The following IKZF4 variants were observed in gnomAD, a reference collection of about 807,000 sequenced individuals.
IKZF4 encodes zinc finger protein Eos.
IKZF4 carries 11 observed loss-of-function variants against 47.7 expected under a neutral mutation model. The ratio of observed to expected loss-of-function variants is 0.23; its 90% CI spans 0.15 to 0.38. The LOEUF is 0.38. IKZF4 is among the 10% of genes least tolerant of loss of function. IKZF4 has a pLI of 1.00. For missense variants in IKZF4, 557 were observed against 784.9 expected (o/e 0.71, Z 3.47); for synonymous variants, 298 against 299.4 (o/e 1.00, Z 0.05).
At position 56,035,025 on chromosome 12, in the gene IKZF4, C is replaced by A; in HGVS notation, c.1452C>A (p.Thr484=). The change falls in exon 8 of 8, where the codon ACC becomes ACA. Residue 484 remains threonine, a synonymous_variant. Coordinates refer to ENST00000547167, the MANE Select transcript of IKZF4 (RefSeq NM_022465.4). This position sits in a 1 kb window ranked among gnomAD's most constrained non-coding sequence, Gnocchi z 6.1. ...GTCCCCCACCCCAGCCACCTCCCACCATTGTGGTGGGCCGGCACAGTCCTG... is the reference window on the plus strand; with the variant it reads ...GTCCCCCACCCCAGCCACCTCCCACAATTGTGGTGGGCCGGCACAGTCCTG... The part of the protein sequence containing the change: ...PQGPPPQPPP[T]IVVGRHSPAY... The A allele has an allele frequency of 1.3e-6, 2 of 1,558,868 alleles. No individual in the cohort carries two copies. Among genetic ancestry groups the A allele is most frequent in the Non-Finnish European group, 1.7e-6 (2 of 1,151,148 alleles).
At chr12:56,007,688 C>T (rs1890865784) in exon 1 of IKZF4, 1 of 152,394 alleles carries the variant, frequency 6.6e-6, no homozygotes, top group African/African-American at 2.4e-5. Flanking sequence ...AACACTGTCC[C>T]CTCTCCCCAA....
At position 56,033,202 on chromosome 12, in the gene IKZF4, G is replaced by A. The variant is rs762085422; in HGVS notation, c.878G>A (p.Arg293His). The change falls in exon 7 of 8, where the codon CGT becomes CAT. Residue 293 changes from arginine (R) to histidine (H), a missense_variant. By Grantham distance (29) the Arg-to-His change is conservative. Coordinates refer to ENST00000547167, the MANE Select transcript of IKZF4 (RefSeq NM_022465.4). ...TTCTTCCCACTAGGTGACGAAATAC[G>A]TGACCTGGAGATGGTGCCAGACTCC... ...ALAGQPGDEIRDLEMVPDSML... is the reference protein window; with the variant it reads ...ALAGQPGDEIHDLEMVPDSML... 6.8e-6 allele frequency: 11 copies of A among 1,613,856 alleles called. No homozygotes were observed. The highest frequency in any genetic ancestry group is 3.3e-5 in the Admixed American group (2 of 60,008).
Position 56,026,954 on chromosome 12 carries a change from C to A in IKZF4, c.460C>A (p.Leu154Met). ...PEPHSPGGIR[L>M]PNGKLKCDVC... Reference sequence around the variant, plus strand: ...GCCTCACTCCCCTGGGGGCATCCGGCTGCCCAATGGCAAGCTCAAGTGTGA... The same window carrying A: ...GCCTCACTCCCCTGGGGGCATCCGGATGCCCAATGGCAAGCTCAAGTGTGA... The change falls in exon 4 of 8, where the codon CTG becomes ATG. Residue 154 changes from leucine (L) to methionine (M), a missense_variant. Around this residue, in one of 6 missense-constraint regions of IKZF4, gnomAD observed 112 missense variants for 168.2 expected, o/e 0.67. Coordinates refer to ENST00000547167, the MANE Select transcript of IKZF4 (RefSeq NM_022465.4). 6.2e-7 allele frequency: 1 copy of A among 1,611,592 alleles called. No individual in the cohort carries two copies. The highest frequency in any genetic ancestry group is 8.5e-7 in the Non-Finnish European group (1 of 1,178,756).
At chr12:56,019,320 G>A (rs1028735329), upstream of IKZF4, 1 of 977,668 alleles carries the variant, frequency 1.0e-6, no homozygotes, top group Non-Finnish European at 1.2e-6. Context: ...CTCTAAAGTA[G>A]GACCAATGAA....
At position 56,035,008 on chromosome 12, in the gene IKZF4, C is replaced by T; in HGVS notation, c.1435C>T (p.Pro479Ser). Reference sequence around the variant, plus strand: ...GGTATCCCTCCCTCAGGGTCCCCCACCCCAGCCACCTCCCACCATTGTGGT... The same window carrying T: ...GGTATCCCTCCCTCAGGGTCCCCCATCCCAGCCACCTCCCACCATTGTGGT... ...GVVSLPQGPP[P>S]QPPPTIVVGR... The change falls in exon 8 of 8, where the codon CCC becomes TCC. Residue 479 changes from proline to serine, a missense_variant. Physicochemically the swap from Pro to Ser is moderately conservative, Grantham distance 74. Around this residue, in one of 6 missense-constraint regions of IKZF4, gnomAD observed 280 missense variants for 314.0 expected, o/e 0.89. Coordinates refer to ENST00000547167, the MANE Select transcript of IKZF4 (RefSeq NM_022465.4). The surrounding 1 kb of genome is among the most constrained non-coding windows in gnomAD (Gnocchi z 6.1). 6.4e-7 allele frequency: 1 copy of T among 1,555,814 alleles called. No individual in the cohort carries two copies. Among genetic ancestry groups the T allele is most frequent in the Non-Finnish European group, 8.7e-7 (1 of 1,149,044 alleles).
In IKZF4 at chr12:56,035,271, C is replaced by T. The variant is rs771382951; in HGVS notation, c.1698C>T (p.His566=). Residue 566 remains histidine, a synonymous_variant, in exon 8 of 8, where the codon CAC becomes CAT. Coordinates refer to ENST00000547167, the MANE Select transcript of IKZF4 (RefSeq NM_022465.4). The surrounding 1 kb of genome is among the most constrained non-coding windows in gnomAD (Gnocchi z 6.1). ...DPFECNICGY[H]SQDRYEFSSH... is the part of the protein sequence containing the mutation. ...TTGAGTGCAACATCTGTGGTTATCA[C>T]AGCCAGGACCGGTACGAATTCTCTT... 3.1e-6 allele frequency: 5 copies of T among 1,614,088 alleles called. No homozygotes were observed. The highest frequency in any genetic ancestry group is 4.2e-6 in the Non-Finnish European group (5 of 1,179,952).
chr12:56,033,869 G>C (rs1261744733), intron 7 of IKZF4, among the ~76,000 whole-genome samples: 3 of 152,140 alleles, frequency 2.0e-5, no homozygotes, highest in African/African-American at 7.2e-5. Context: ...GTAAGGGACA[G>C]GGTCGAGGCA....
chr12:56,029,297 GTATCTGTC>G (rs1894543989), intron 5 of IKZF4, among the ~76,000 whole-genome samples: 1 of 152,220 alleles, frequency 6.6e-6, no homozygotes, highest in African/African-American at 2.4e-5. Flanking sequence ...GTTTGAATCA[GTATCTGTC>G]TGAATCAGCT....
intron 5 of IKZF4, among the ~76,000 whole-genome samples, chr12:56,029,234 T>G (rs537283178): frequency 1.3e-5 from 2 of 152,354 alleles, no homozygotes; most frequent in African/African-American, 4.8e-5. Flanking sequence ...GATCAATGTT[T>G]GGAACAGTGC....
At chr12:56,014,557 G>T (rs986425798) in intron 2 of IKZF4, among the ~76,000 whole-genome samples, 1 of 152,180 alleles carries the variant, frequency 6.6e-6, no homozygotes, top group South Asian at 2.1e-4. Context: ...GAGCCAGCTC[G>T]ACTTGTTCTT....
chr12:56,018,761 T>C (rs925099976), upstream of IKZF4, among the ~76,000 whole-genome samples: 2 of 151,266 alleles, frequency 1.3e-5, no homozygotes, highest in Non-Finnish European at 2.9e-5. Context: ...ATACCAGAAA[T>C]CCAAATTTTT....
intron 5 of IKZF4, chr12:56,032,235 G>C (rs948678233): frequency 1.1e-5 from 3 of 270,544 alleles, no homozygotes; most frequent in African/African-American, 6.8e-5. Context: ...CTGCCTGTCT[G>C]CTAGGGATGA....
upstream of IKZF4, among the ~76,000 whole-genome samples, chr12:56,016,484 G>T (rs1470161617): frequency 6.8e-6 from 1 of 147,386 alleles, no homozygotes; most frequent in Admixed American, 6.8e-5. Context: ...TGCAGTGGCA[G>T]GATCTCGGTG....
chr12:56,018,457 G>A (rs1038753700), upstream of IKZF4, among the ~76,000 whole-genome samples: 4 of 152,154 alleles, frequency 2.6e-5, no homozygotes, highest in African/African-American at 9.7e-5. Flanking sequence ...CAAATAGATG[G>A]AAACAAGATG....
upstream of IKZF4, chr12:56,018,065 A>C (rs1220535446): frequency 9.0e-7 from 1 of 1,114,260 alleles, no homozygotes; most frequent in Non-Finnish European, 1.2e-6. Context: ...AGAATATTAA[A>C]GAAAAGCCTC....
Position 56,021,294 on chromosome 12 carries a change from T to TCACTCACA in IKZF4, c.-197_-196insTCACACAC. 8.8e-7 allele frequency: 1 copy of TCACTCACA among 1,140,138 alleles called. No individual in the cohort carries two copies. The highest frequency in any genetic ancestry group is 1.2e-6 in the Non-Finnish European group (1 of 838,368). The allele number at this position is 1,140,138 out of a possible 1,614,324, so 70.6% of individuals were successfully genotyped here. On this transcript the variant is annotated 5_prime_UTR_variant, in exon 1 of 8. Coordinates refer to ENST00000547167, the MANE Select transcript of IKZF4 (RefSeq NM_022465.4). ...CTCTCCCTCTCTCTCTCTCTCTCTC[T>TCACTCACA]CACACACACACACACACACACACTC...
chr12:56,017,147 G>C (rs1298548243), upstream of IKZF4, among the ~76,000 whole-genome samples: 1 of 151,134 alleles, frequency 6.6e-6, no homozygotes, highest in Non-Finnish European at 1.5e-5. Context: ...CTCAGTTCCC[G>C]ATTGTTTAAT....
At chr12:56,008,248 AG>A (rs899735389) in intron 1 of IKZF4, among the ~76,000 whole-genome samples, 24 of 152,286 alleles carry the variant, frequency 1.6e-4, no homozygotes, top group African/African-American at 5.3e-4. Context: ...GGATGGAGTG[AG>A]AAGTGCACAG....
At chr12:56,029,886 C>G (rs1894634072) in intron 5 of IKZF4, 1 of 152,226 alleles carries the variant, frequency 6.6e-6, no homozygotes, top group African/African-American at 2.4e-5. Context: ...GCTGCTCCCC[C>G]TGCTGGTTTG....
Sources: allele counts gnomAD v4.1 joint callset (sites outside exome capture counted in the v4.1 genomes callset), GRCh38; gene constraint gnomAD v4.1.1; regional missense constraint gnomAD v4.1.1; non-coding constraint Gnocchi (gnomAD v3.1); transcripts MANE v1.5; gene names NCBI Gene and HGNC (gene_info 2026-07-23, HGNC 2026-07-21).